KIAA1217: variants seen among roughly 807,000 people sequenced by gnomAD.
The protein encoded by KIAA1217 is sickle tail protein homolog.
KIAA1217 carries 88 observed loss-of-function variants against 163.9 expected under a neutral mutation model. That is an observed-to-expected ratio of 0.54 (90% CI 0.45 to 0.64). KIAA1217 has a LOEUF of 0.64. Among genes scored for constraint, KIAA1217 ranks in the 30% least tolerant of loss-of-function variants. KIAA1217 has a pLI of 0.00. For synonymous variants in KIAA1217, 903 were observed against 923.1 expected (o/e 0.98, Z 0.39); for missense variants, 2,372 against 2,475.0 (o/e 0.96, Z 0.88).
At chr10:24,234,330 G>C (rs2131158023) in intron 2 of KIAA1217, among the ~76,000 whole-genome samples, 1 of 151,786 alleles carries the variant, frequency 6.6e-6, no homozygotes, top group Admixed American at 6.6e-5. Flanking sequence ...TTGGATAACA[G>C]TTACTCAACC....
intron 2 of KIAA1217, among the ~76,000 whole-genome samples, chr10:24,151,647 T>A (rs1440887763): frequency 6.6e-6 from 1 of 151,626 alleles, no homozygotes; most frequent in Non-Finnish European, 1.5e-5. Context: ...AGAAACAGTA[T>A]GGCCGCCTTC....
chr10:24,160,016 G>A (rs934173), intron 2 of KIAA1217, among the ~76,000 whole-genome samples: 108,215 of 151,996 alleles, frequency 0.71, 38,825 homozygotes, highest in Middle Eastern at 0.79. Context: ...AGTTGTCTAT[G>A]TAATATTAGT....
rs374671261 is a variant in KIAA1217 at position 23,969,546 on chromosome 10, C to A, written c.-320-37679C>A. ...CATTTCCATAATGCATTTTGAGCAT[C>A]TTTTCATGTGCTTATCGGCTATTTT... On this transcript the variant is annotated intron_variant, in intron 1 of 18. Coordinates refer to the KIAA1217 transcript ENST00000376462. Among the ~76,000 whole-genome samples the A allele has an allele frequency of 1.5e-3, 222 of 152,270 alleles. 1 individual carries two copies. The highest frequency in any genetic ancestry group is 0.012 in the South Asian group (60 of 4,830).
At chr10:23,843,060 T>A (rs1264286478) in intron 1 of KIAA1217, among the ~76,000 whole-genome samples, 1 of 152,202 alleles carries the variant, frequency 6.6e-6, no homozygotes, top group Admixed American at 6.5e-5. Context: ...GGGTTAGTCG[T>A]GAAGTGGAAT....
intron 14 of KIAA1217, among the ~76,000 whole-genome samples, chr10:24,528,488 G>A (rs55664470): frequency 0.056 from 8,434 of 151,806 alleles, 340 homozygotes; most frequent in South Asian, 0.16. Flanking sequence ...CACTGCACAT[G>A]TCTAATTTTT....
At chr10:24,258,597 T>C (rs2075402351) in intron 2 of KIAA1217, among the ~76,000 whole-genome samples, 1 of 151,290 alleles carries the variant, frequency 6.6e-6, no homozygotes, top group South Asian at 2.1e-4. Context: ...TTTTTTTTTT[T>C]TTTTTCTTTT....
intron 7 of KIAA1217, 95 bp from the exon 8 acceptor site, chr10:24,495,052 C>A: frequency 5.0e-6 from 5 of 1,004,142 alleles, no homozygotes; most frequent in Non-Finnish European, 7.5e-6. Context: ...CCCATCACTG[C>A]CAATTGCTTC....
chr10:24,023,204 G>A (rs898497936), intron 2 of KIAA1217, among the ~76,000 whole-genome samples: 21 of 151,764 alleles, frequency 1.4e-4, no homozygotes, highest in Middle Eastern at 3.4e-3. Context: ...ATTCTTTCAC[G>A]TAAAATCAAG....
intron 2 of KIAA1217, among the ~76,000 whole-genome samples, chr10:24,146,603 A>G (rs991160006): frequency 6.6e-6 from 1 of 152,168 alleles, no homozygotes; most frequent in Admixed American, 6.5e-5. Flanking sequence ...GGATCACTTG[A>G]GCCCAGAAGG....
intron 1 of KIAA1217, among the ~76,000 whole-genome samples, chr10:23,744,813 G>A (rs1839309022): frequency 6.6e-6 from 1 of 152,210 alleles, no homozygotes; most frequent in East Asian, 1.9e-4. Context: ...GAACCTGTGA[G>A]TTGGAGATAA....
intron 2 of KIAA1217, among the ~76,000 whole-genome samples, chr10:24,350,296 T>A (rs1211852096): frequency 1.3e-5 from 2 of 152,196 alleles, no homozygotes; most frequent in Non-Finnish European, 2.9e-5. Flanking sequence ...CATTCTTGTG[T>A]ATCGTGTAAT....
intron 6 of KIAA1217, among the ~76,000 whole-genome samples, chr10:24,484,613 G>A (rs1028815790): frequency 6.6e-6 from 1 of 151,864 alleles, no homozygotes; most frequent in Admixed American, 6.6e-5. Context: ...AGGCTGGAAC[G>A]CAGTGGTGCA....
chr10:24,412,553 G>T (rs2057884928), intron 3 of KIAA1217, among the ~76,000 whole-genome samples: 1 of 152,132 alleles, frequency 6.6e-6, no homozygotes. Context: ...CACATCACAT[G>T]GTAGACCATG....
chr10:24,056,015 T>C lies in KIAA1217; in HGVS notation c.-171+48641T>C, dbSNP rs150928723. On this transcript the variant is annotated intron_variant, in intron 2 of 18. Transcript: ENST00000376462. The stretch of plus-strand genomic sequence containing the variant: ...AATGCCTGGTTGTTCTGGCAGAAAG[T>C]AAAGAAATTCCTCTGAGGCAAAAGC... Among the ~76,000 whole-genome samples the C allele has an allele frequency of 2.4e-4, 36 of 149,952 alleles. No homozygotes were observed. The East Asian group carries it at 4.3e-3, about 18-fold the overall frequency.
intron 2 of KIAA1217, among the ~76,000 whole-genome samples, chr10:24,227,861 G>A (rs2070809208): frequency 6.6e-6 from 1 of 152,134 alleles, no homozygotes; most frequent in African/African-American, 2.4e-5. Context: ...GGGTCAGTGA[G>A]GCCAAGAGGT....
intron 1 of KIAA1217, among the ~76,000 whole-genome samples, chr10:23,957,787 T>C (rs1844635657): frequency 6.6e-6 from 1 of 152,166 alleles, no homozygotes; most frequent in Admixed American, 6.5e-5. Flanking sequence ...CATCCAGGCA[T>C]ACACCTTTGA....
At chr10:23,908,249 G>C (rs1405255665) in intron 1 of KIAA1217, among the ~76,000 whole-genome samples, 1 of 152,062 alleles carries the variant, frequency 6.6e-6, no homozygotes, top group East Asian at 1.9e-4. Context: ...TGATGCTAAG[G>C]AATTTGGATG....
intron 2 of KIAA1217, among the ~76,000 whole-genome samples, chr10:24,098,251 A>G (rs1000285518): frequency 1.3e-5 from 2 of 152,114 alleles, no homozygotes; most frequent in African/African-American, 4.8e-5. Flanking sequence ...CTACTTTCAC[A>G]GTTAGGTGTG....
intron 1 of KIAA1217, among the ~76,000 whole-genome samples, chr10:23,704,536 A>G (rs185958404): frequency 6.6e-6 from 1 of 151,864 alleles, no homozygotes; most frequent in African/African-American, 2.4e-5. Context: ...TGGACATTTC[A>G]TGTATATGGA....
Sources: gnomAD v4.1 joint callset for allele counts (sites outside exome capture counted in the v4.1 genomes callset) on GRCh38, gnomAD v4.1.1 for gene constraint, MANE v1.5 for transcripts, NCBI Gene and HGNC (gene_info 2026-07-23, HGNC 2026-07-21) for gene names.